Variants in FGF12 observed in about 807,000 individuals in gnomAD.
FGF12 encodes the protein fibroblast growth factor 12, also known as fibroblast growth factor 12B.
A neutral mutation model predicts 23.6 loss-of-function variants in FGF12; 14 were observed. The ratio of observed to expected loss-of-function variants is 0.59; its 90% CI spans 0.39 to 0.93. FGF12 has a LOEUF of 0.93. FGF12 is among the 40% of genes least tolerant of loss of function. FGF12 has a pLI of 0.00. For missense variants in FGF12, 175 were observed against 217.8 expected, an observed-to-expected ratio of 0.80 and a Z score of 1.24; for synonymous variants, 62 against 77.3, an observed-to-expected ratio of 0.80 and a Z score of 1.04.
rs540021253 is a variant in FGF12, at chr3:192,297,941, C to T, written c.228+37420G>A. On this transcript the variant is annotated intron_variant, in intron 4 of 5. Coordinates refer to ENST00000445105, the MANE Select transcript of FGF12 (RefSeq NM_004113.6). ...TTTAAGAGCCACAGGTTTTTCCATA[C>T]ATTCTCAAAAATGGTAGAATGTCTA... Among the ~76,000 whole-genome samples, 81 of 152,202 alleles carry T rather than the reference C, an allele frequency of 5.3e-4. 1 individual carries two copies. The highest frequency in any genetic ancestry group is 1.8e-3 in the African/African-American group (73 of 41,482).
intron 4 of FGF12, among the ~76,000 whole-genome samples, chr3:192,179,513 T>C (rs538560935): frequency 4.6e-5 from 7 of 151,428 alleles, no homozygotes; most frequent in Non-Finnish European, 8.8e-5. Context: ...TTCACATCTG[T>C]AAGTTAAGGT....
chr3:192,462,550 G>T (rs1213304847), intron 2 of FGF12, among the ~76,000 whole-genome samples: 1 of 152,080 alleles, frequency 6.6e-6, no homozygotes, highest in Admixed American at 6.6e-5. Flanking sequence ...ATCTCCATAA[G>T]TGTAAGAAAT....
intron 4 of FGF12, among the ~76,000 whole-genome samples, chr3:192,183,715 T>C (rs1716304462): frequency 1.3e-5 from 2 of 152,142 alleles, no homozygotes; most frequent in African/African-American, 2.4e-5. Context: ...AAATCTAAAA[T>C]TGCAAATATG....
At chr3:192,510,234 A>G (rs1481684517) in intron 2 of FGF12, among the ~76,000 whole-genome samples, 2 of 152,208 alleles carry the variant, frequency 1.3e-5, no homozygotes, top group African/African-American at 4.8e-5. Context: ...TGCCCAGCAG[A>G]AGGACCCAAA....
chr3:192,379,309 A>G (rs1400475764), intron 2 of FGF12, among the ~76,000 whole-genome samples: 2 of 152,120 alleles, frequency 1.3e-5, no homozygotes, highest in Non-Finnish European at 2.9e-5. Context: ...AAATACAAAT[A>G]AAATCATGTA....
chr3:192,502,640 G>A (rs545654849), intron 2 of FGF12, among the ~76,000 whole-genome samples: 2 of 152,324 alleles, frequency 1.3e-5, no homozygotes, highest in South Asian at 2.1e-4. Context: ...TCTGTACCAG[G>A]AGTGGCCAGA....
intron 2 of FGF12, among the ~76,000 whole-genome samples, chr3:192,493,066 A>G (rs897217154): frequency 2.0e-5 from 3 of 151,618 alleles, no homozygotes; most frequent in Non-Finnish European, 4.4e-5. Flanking sequence ...AAACTTAGAA[A>G]TAGTCATCTC....
At chr3:192,174,570 G>A (rs1267213673) in intron 4 of FGF12, among the ~76,000 whole-genome samples, 2 of 152,134 alleles carry the variant, frequency 1.3e-5, no homozygotes, top group African/African-American at 2.4e-5. Context: ...TAAACTGGAC[G>A]GGAAATCTTA....
At chr3:192,573,464 C>T (rs1006816383) in intron 2 of FGF12, among the ~76,000 whole-genome samples, 6 of 152,038 alleles carry the variant, frequency 3.9e-5, no homozygotes, top group Non-Finnish European at 5.9e-5. Flanking sequence ...CTGAGTAGAA[C>T]AAAAAGTTAA....
At chr3:192,629,524 G>A (rs1304745686) in intron 2 of FGF12, among the ~76,000 whole-genome samples, 1 of 152,220 alleles carries the variant, frequency 6.6e-6, no homozygotes, top group African/African-American at 2.4e-5. Flanking sequence ...GATGAAAACA[G>A]ATTCTAGATT....
At chr3:192,226,674 G>T (rs368768952) in intron 4 of FGF12, among the ~76,000 whole-genome samples, 1 of 152,002 alleles carries the variant, frequency 6.6e-6, no homozygotes, top group Admixed American at 6.6e-5. Context: ...CTCCTGAGTG[G>T]GATTAGTGTC....
chr3:192,554,569 T>TTG (rs1209697051), intron 2 of FGF12, among the ~76,000 whole-genome samples: 9 of 152,208 alleles, frequency 5.9e-5, no homozygotes, highest in South Asian at 2.1e-4. Context: ...GGTAAAGATC[T>TTG]TTTCCTATAC....
chr3:192,727,414 G>T, intron 1 of FGF12, 70 bp downstream of exon 1: 1 of 1,345,598 alleles, frequency 7.4e-7, no homozygotes, highest in Non-Finnish European at 9.9e-7. Context: ...CAGGGGATAC[G>T]TTGCGACGCG....
chr3:192,594,490 G>A (rs1713756798), intron 2 of FGF12, among the ~76,000 whole-genome samples: 1 of 151,828 alleles, frequency 6.6e-6, no homozygotes, highest in African/African-American at 2.4e-5. Flanking sequence ...AGTCATAATA[G>A]AATATTGTCT....
intron 2 of FGF12, among the ~76,000 whole-genome samples, chr3:192,371,203 G>A (rs1429901619): frequency 6.6e-6 from 1 of 152,178 alleles, no homozygotes; most frequent in African/African-American, 2.4e-5. Flanking sequence ...TTCAGAGCCA[G>A]ACAAGCCATT....
chr3:192,379,265 C>T (rs1162219205), intron 2 of FGF12, among the ~76,000 whole-genome samples: 1 of 151,990 alleles, frequency 6.6e-6, no homozygotes, highest in Non-Finnish European at 1.5e-5. Context: ...GTGATAAATA[C>T]ATGTGTATAT....
intron 2 of FGF12, 200 bp downstream of exon 2, chr3:192,726,981 A>G: frequency 1.5e-6 from 1 of 663,046 alleles, no homozygotes; most frequent in Non-Finnish European, 2.6e-6. Flanking sequence ...GGAGTATTAA[A>G]CACTGTCTTC....
rs986251002 is a variant in FGF12, at chr3:192,145,327, A to G, written c.428-1200T>C. Among the ~76,000 whole-genome samples the G allele has an allele frequency of 9.2e-5, 14 of 152,248 alleles. 1 individual carries two copies. The highest frequency in any genetic ancestry group is 3.1e-4 in the African/African-American group (13 of 41,472). The stretch of plus-strand genomic sequence containing the variant: ...TATAGAAATAAATTGTTTTGGCTGA[A>G]AGTATTCTAAATCCAAAACTAGACT... On this transcript the variant is annotated intron_variant, in intron 5 of 5. Transcript: ENST00000445105.
intron 2 of FGF12, among the ~76,000 whole-genome samples, chr3:192,406,635 A>G (rs11709458): frequency 0.25 from 38,181 of 152,160 alleles, 5,911 homozygotes; most frequent in Non-Finnish European, 0.35. Context: ...TCTTGGGATC[A>G]TAATTATTTT....
Sources: gnomAD v4.1 joint callset for allele counts (sites outside exome capture counted in the v4.1 genomes callset) on GRCh38, gnomAD v4.1.1 for gene constraint, MANE v1.5 for transcripts, NCBI Gene and HGNC (gene_info 2026-07-23, HGNC 2026-07-21) for gene names.